LYRM4: variants seen among roughly 807,000 people sequenced by gnomAD.
The protein encoded by LYRM4 is LYR motif containing 4, also known as LYR motif-containing protein 4.
Under a neutral mutation model 11.7 loss-of-function variants are expected in LYRM4, and 9 were observed. The ratio of observed to expected loss-of-function variants is 0.77; its 90% confidence interval spans 0.46 to 1.34. LYRM4 has a LOEUF of 1.34. Among genes scored for constraint, LYRM4 ranks in the 40% most tolerant of loss-of-function variants. The pLI is 0.00. For missense variants in LYRM4, 133 were observed against 112.5 expected (o/e 1.18, Z -0.82); for synonymous variants, 42 against 40.4 (o/e 1.04, Z -0.15).
intron 2 of LYRM4, among the ~76,000 whole-genome samples, chr6:5,128,814 C>A (rs1763811627): frequency 6.6e-6 from 1 of 152,110 alleles, no homozygotes; most frequent in South Asian, 2.1e-4. Flanking sequence ...TGTGTGAGGC[C>A]CCATGTCACC....
chr6:5,226,019 A>G (rs1331669514), intron 1 of LYRM4, among the ~76,000 whole-genome samples: 1 of 152,092 alleles, frequency 6.6e-6, no homozygotes, highest in Non-Finnish European at 1.5e-5. Context: ...GGTCTTTTGA[A>G]TGGATTTGTA....
At position 5,170,482 on chromosome 6, in the gene LYRM4, TTTTATTTATTTA is replaced by T. The variant is rs61679234; in HGVS notation, c.207+46124_207+46135del. 1.4e-3 allele frequency among the ~76,000 whole-genome samples: 218 copies of T among 151,358 alleles called. 1 individual carries two copies. The highest frequency in any genetic ancestry group is 4.5e-3 in the African/African-American group (185 of 41,156). ...CAAAAGAGCTTTCTCACTTTATTTC[TTTTATTTATTTA>T]TTTATTTATTTATTTAATATTTTTG... On this transcript the variant is annotated intron_variant, in intron 2 of 2. Transcript: ENST00000330636.
intron 2 of LYRM4, among the ~76,000 whole-genome samples, chr6:5,161,503 T>C (rs1758754304): frequency 6.6e-6 from 1 of 152,206 alleles, no homozygotes; most frequent in African/African-American, 2.4e-5. Context: ...ATCAAAGCAG[T>C]ATAGTACAAA....
At chr6:5,197,344 C>T (rs1761116693) in intron 2 of LYRM4, among the ~76,000 whole-genome samples, 1 of 152,110 alleles carries the variant, frequency 6.6e-6, no homozygotes, top group Non-Finnish European at 1.5e-5. Flanking sequence ...TATGCCAAGC[C>T]AGAACCTCAA....
intron 2 of LYRM4, among the ~76,000 whole-genome samples, chr6:5,125,644 C>T (rs1209460294): frequency 6.6e-6 from 1 of 152,208 alleles, no homozygotes; most frequent in East Asian, 1.9e-4. Flanking sequence ...GAGGGAGGCA[C>T]CCCTCCCAGG....
chr6:5,196,964 TG>T (rs1263591967), intron 2 of LYRM4, among the ~76,000 whole-genome samples: 1 of 152,216 alleles, frequency 6.6e-6, no homozygotes, highest in Non-Finnish European at 1.5e-5. Flanking sequence ...AACACATTAT[TG>T]ATGTCAATTA....
At chr6:5,056,725 A>G in the LYRM4 span, among the ~76,000 whole-genome samples, 1 of 152,262 alleles carries the variant, frequency 6.6e-6, no homozygotes, top group South Asian at 2.1e-4. Flanking sequence ...TTCAGATTTT[A>G]ACCTTAGCAA....
At chr6:5,075,775 CATTT>C in the LYRM4 span, among the ~76,000 whole-genome samples, 5 of 152,160 alleles carry the variant, frequency 3.3e-5, no homozygotes, top group Admixed American at 1.3e-4. Context: ...CATAACATAA[CATTT>C]ATTCATAATT....
the LYRM4 span, among the ~76,000 whole-genome samples, chr6:5,051,284 TC>T: frequency 6.6e-6 from 1 of 152,062 alleles, no homozygotes; most frequent in South Asian, 2.1e-4. Context: ...GTTAAAAACT[TC>T]CAAAATATGA....
the LYRM4 span, among the ~76,000 whole-genome samples, chr6:5,047,702 G>A: frequency 6.6e-6 from 1 of 152,004 alleles, no homozygotes; most frequent in Non-Finnish European, 1.5e-5. Context: ...TGGTGGGAGT[G>A]ACATATTCAA....
intron 1 of LYRM4, among the ~76,000 whole-genome samples, chr6:5,255,738 A>G (rs191212796): frequency 1.3e-5 from 2 of 152,028 alleles, no homozygotes; most frequent in African/African-American, 4.8e-5. Flanking sequence ...GGCATGACCA[A>G]ACTTTTGGGC....
chr6:5,081,147 G>GCAA, the LYRM4 span, among the ~76,000 whole-genome samples: 1 of 131,324 alleles, frequency 7.6e-6, no homozygotes, highest in Non-Finnish European at 1.6e-5. Flanking sequence ...GGGGGGGGGG[G>GCAA]GGGTAGACTG....
At chr6:5,189,148 T>C (rs566993833) in intron 2 of LYRM4, among the ~76,000 whole-genome samples, 1 of 152,380 alleles carries the variant, frequency 6.6e-6, no homozygotes, top group East Asian at 1.9e-4. Context: ...TTGTTATTAA[T>C]ATTTGCCTCT....
At chr6:5,143,814 C>T (rs1325832603) in intron 2 of LYRM4, among the ~76,000 whole-genome samples, 3 of 151,994 alleles carry the variant, frequency 2.0e-5, no homozygotes, top group African/African-American at 4.8e-5. Context: ...CAGCAGATGG[C>T]GACAGAGGCC....
chr6:5,045,880 C>A, the LYRM4 span, among the ~76,000 whole-genome samples: 1 of 152,210 alleles, frequency 6.6e-6, no homozygotes, highest in African/African-American at 2.4e-5. Flanking sequence ...ACGGACTTAC[C>A]TCTATTGTCA....
At chr6:5,190,342 T>C (rs1255007833) in intron 2 of LYRM4, among the ~76,000 whole-genome samples, 1 of 152,164 alleles carries the variant, frequency 6.6e-6, no homozygotes, top group African/African-American at 2.4e-5. Context: ...GATGGATGTA[T>C]TTTAGCACAA....
intron 2 of LYRM4, among the ~76,000 whole-genome samples, chr6:5,118,753 G>T (rs771333374): frequency 6.6e-6 from 1 of 152,142 alleles, no homozygotes; most frequent in Non-Finnish European, 1.5e-5. Context: ...ATTTATGTCT[G>T]TATTTTTTCA....
At chr6:5,168,589 TAAAAC>T (rs898277465) in intron 2 of LYRM4, among the ~76,000 whole-genome samples, 10 of 152,044 alleles carry the variant, frequency 6.6e-5, no homozygotes, top group African/African-American at 2.4e-4. Context: ...TTACAGGAGA[TAAAAC>T]AAACATGATA....
downstream of LYRM4, among the ~76,000 whole-genome samples, chr6:5,101,207 C>T (rs1762489449): frequency 6.6e-6 from 1 of 152,240 alleles, no homozygotes; most frequent in Non-Finnish European, 1.5e-5. Context: ...CCTCCCTCTT[C>T]CAGCCCTATT....
Sources: gnomAD v4.1 joint callset for allele counts (sites outside exome capture counted in the v4.1 genomes callset) on GRCh38, gnomAD v4.1.1 for gene constraint, MANE v1.5 for transcripts, NCBI Gene and HGNC (gene_info 2026-07-23, HGNC 2026-07-21) for gene names.